The following PRKN variants were observed in gnomAD, a reference collection of about 807,000 sequenced individuals.
PRKN encodes the protein E3 ubiquitin-protein ligase parkin.
In PRKN, 56 loss-of-function variants were observed where a neutral mutation model predicts 59.5. That is an observed-to-expected ratio of 0.94 (90% CI 0.76 to 1.18). The LOEUF (loss-of-function observed/expected upper bound fraction) is 1.18. Among genes scored for constraint, PRKN ranks in the 50% most tolerant of loss-of-function variants. The pLI is 0.00. For synonymous variants in PRKN, 250 were observed against 222.1 expected, an observed-to-expected ratio of 1.13 and a Z score of -1.12; for missense variants, 657 against 596.4, an observed-to-expected ratio of 1.10 and a Z score of -1.06.
chr6:161,774,406 A>G (rs201054950), intron 7 of PRKN, among the ~76,000 whole-genome samples: 22,495 of 150,496 alleles, frequency 0.15, 2,183 homozygotes, highest in Middle Eastern at 0.21. Flanking sequence ...ACACACACAC[A>G]CACACACACA....
At chr6:162,036,802 GAAAC>G (rs1783867929) in intron 5 of PRKN, among the ~76,000 whole-genome samples, 1 of 152,096 alleles carries the variant, frequency 6.6e-6, no homozygotes, top group Non-Finnish European at 1.5e-5. Context: ...ATGGTCATAA[GAAAC>G]AAACTATAAG....
At chr6:161,898,873 A>G (rs1777768610) in intron 6 of PRKN, among the ~76,000 whole-genome samples, 3 of 152,206 alleles carry the variant, frequency 2.0e-5, no homozygotes, top group Non-Finnish European at 1.5e-5. Flanking sequence ...ATTTGCAGTG[A>G]AGAATCTAGA....
chr6:162,642,665 AATCTT>A (rs1778007301), intron 1 of PRKN, among the ~76,000 whole-genome samples: 1 of 151,906 alleles, frequency 6.6e-6, no homozygotes, highest in African/African-American at 2.4e-5. Context: ...GAAAAATTTA[AATCTT>A]ATGAAGAATA....
chr6:162,306,117 T>C (rs1782209693), intron 2 of PRKN, among the ~76,000 whole-genome samples: 1 of 151,782 alleles, frequency 6.6e-6, no homozygotes, highest in Non-Finnish European at 1.5e-5. Context: ...TTCTCCCAAA[T>C]AGTATATTGT....
intron 2 of PRKN, among the ~76,000 whole-genome samples, chr6:162,384,652 A>AC (rs1786691409): frequency 1.4e-5 from 2 of 145,828 alleles, no homozygotes; most frequent in African/African-American, 5.2e-5. Flanking sequence ...ATTTGTAAAA[A>AC]AAAAAAAAAA....
At chr6:162,037,539 C>T (rs763808532) in intron 5 of PRKN, among the ~76,000 whole-genome samples, 1 of 151,674 alleles carries the variant, frequency 6.6e-6, no homozygotes, top group African/African-American at 2.4e-5. Context: ...AGGTTTTACC[C>T]TCTGCTTTTT....
intron 6 of PRKN, among the ~76,000 whole-genome samples, chr6:161,791,596 G>T (rs933940435): frequency 2.6e-5 from 4 of 152,180 alleles, no homozygotes; most frequent in African/African-American, 9.7e-5. Flanking sequence ...GGCTGTGGAT[G>T]AAATGTGACA....
intron 7 of PRKN, among the ~76,000 whole-genome samples, chr6:161,722,866 C>G (rs1787283004): frequency 6.6e-6 from 1 of 152,130 alleles, no homozygotes; most frequent in Admixed American, 6.5e-5. Flanking sequence ...GGTTTTCTCT[C>G]CTGACTTTAA....
intron 5 of PRKN, among the ~76,000 whole-genome samples, chr6:162,017,117 T>C (rs1362733430): frequency 6.6e-6 from 1 of 152,196 alleles, no homozygotes; most frequent in Admixed American, 6.5e-5. Context: ...GTGAAGCTCA[T>C]TTCATTATTT....
intron 4 of PRKN, among the ~76,000 whole-genome samples, chr6:162,097,363 T>TGTCCCAAA (rs1476101919): frequency 6.6e-6 from 1 of 152,226 alleles, no homozygotes; most frequent in African/African-American, 2.4e-5. Flanking sequence ...CCACATGAGC[T>TGTCCCAAA]GTCCCAAAGT....
At chr6:162,158,641 G>C (rs1211708244) in intron 4 of PRKN, among the ~76,000 whole-genome samples, 4 of 151,936 alleles carry the variant, frequency 2.6e-5, no homozygotes, top group Non-Finnish European at 5.9e-5. Context: ...ATGTTGGCCA[G>C]TCTGGTCTTG....
chr6:161,901,946 C>A (rs1583321351), intron 6 of PRKN, among the ~76,000 whole-genome samples: 1 of 152,132 alleles, frequency 6.6e-6, no homozygotes, highest in South Asian at 2.1e-4. Context: ...AGTCATGGAG[C>A]CAGCAGCCTA....
At chr6:162,247,751 T>G (rs1483838064) in intron 3 of PRKN, among the ~76,000 whole-genome samples, 1 of 152,208 alleles carries the variant, frequency 6.6e-6, no homozygotes, top group Non-Finnish European at 1.5e-5. Context: ...TCTAGCATAG[T>G]GTTAGAAAAT....
At position 162,336,612 on chromosome 6, in the gene PRKN, G is replaced by A. The variant is rs147733798; in HGVS notation, c.172-73847C>T. Reference sequence around the variant, plus strand: ...CACACGATTTCGATTGATGATTTGAGATTGCATGTGAGCGGGACGCAGGTG... The same window carrying A: ...CACACGATTTCGATTGATGATTTGAAATTGCATGTGAGCGGGACGCAGGTG... On this transcript the variant is annotated intron_variant, in intron 2 of 11. Coordinates refer to ENST00000366898, the MANE Select transcript of PRKN (RefSeq NM_004562.3). Among the ~76,000 whole-genome samples, 324 of 152,344 alleles carry A rather than the reference G, an allele frequency of 2.1e-3. 1 individual carries two copies. The highest frequency in any genetic ancestry group is 7.5e-3 in the African/African-American group (310 of 41,582).
chr6:162,644,463 G>C (rs1431999387), intron 1 of PRKN, among the ~76,000 whole-genome samples: 1 of 152,140 alleles, frequency 6.6e-6, no homozygotes. Flanking sequence ...CTGCCAGCCC[G>C]CACAGACCTA....
At chr6:162,670,906 C>G (rs912809927) in intron 1 of PRKN, among the ~76,000 whole-genome samples, 2 of 152,040 alleles carry the variant, frequency 1.3e-5, no homozygotes. Flanking sequence ...AATCCATAAG[C>G]AAACTACGAC....
chr6:161,948,568 G>A (rs1233979179), intron 6 of PRKN, among the ~76,000 whole-genome samples: 1 of 152,154 alleles, frequency 6.6e-6, no homozygotes, highest in Non-Finnish European at 1.5e-5. Context: ...GTTGTCACAG[G>A]CTGCAAGAAT....
intron 7 of PRKN, among the ~76,000 whole-genome samples, chr6:161,672,593 T>C (rs1047633253): frequency 2.6e-5 from 4 of 152,084 alleles, no homozygotes; most frequent in Admixed American, 1.3e-4. Context: ...CTGGACAACA[T>C]GGTGAAAACC....
chr6:162,317,485 G>C (rs1460212024), intron 2 of PRKN, among the ~76,000 whole-genome samples: 1 of 152,046 alleles, frequency 6.6e-6, no homozygotes, highest in Non-Finnish European at 1.5e-5. Flanking sequence ...TCTTGGGTAA[G>C]TCTTTATTAG....
Sources: allele counts gnomAD v4.1 joint callset (sites outside exome capture counted in the v4.1 genomes callset), GRCh38; gene constraint gnomAD v4.1.1; transcripts MANE v1.5; gene names NCBI Gene and HGNC (gene_info 2026-07-23, HGNC 2026-07-21).